Variants in LRIG1 observed in about 807,000 individuals in gnomAD.
The protein encoded by LRIG1 is leucine-rich repeats and immunoglobulin-like domains protein 1.
A neutral mutation model predicts 99.2 loss-of-function variants in LRIG1; 48 were observed. The ratio of observed to expected loss-of-function variants is 0.48; its 90% CI spans 0.38 to 0.62. The LOEUF (loss-of-function observed/expected upper bound fraction) is 0.62, where lower values mean the gene tolerates loss of function less well. Ranked by LOEUF, LRIG1 falls within the 20% of genes least tolerant of loss-of-function variation. LRIG1 has a pLI of 0.00. For missense variants in LRIG1, 1,646 were observed against 1,434.4 expected (o/e 1.15, Z -2.38); for synonymous variants, 772 against 596.1 (o/e 1.29, Z -4.30).
intron 3 of LRIG1, among the ~76,000 whole-genome samples, chr3:66,423,464 G>C (rs183571567): frequency 2.0e-5 from 3 of 152,106 alleles, no homozygotes; most frequent in Non-Finnish European, 2.9e-5. Context: ...CCAGCTACTC[G>C]GGAGGCTGAG....
At chr3:66,468,478 T>C (rs928462076) in intron 1 of LRIG1, among the ~76,000 whole-genome samples, 3 of 152,218 alleles carry the variant, frequency 2.0e-5, no homozygotes, top group African/African-American at 7.2e-5. Flanking sequence ...GCTAGCCTAT[T>C]TCCCATTACT....
At chr3:66,384,677 G>A (rs1483724735) in intron 13 of LRIG1, among the ~76,000 whole-genome samples, 3 of 152,024 alleles carry the variant, frequency 2.0e-5, no homozygotes, top group Non-Finnish European at 2.9e-5. Flanking sequence ...CCTTGGGAGA[G>A]CAATGGGATG....
At chr3:66,448,548 CT>C (rs3215321) in intron 3 of LRIG1, among the ~76,000 whole-genome samples, 37,056 of 152,072 alleles carry the variant, frequency 0.24, 5,507 homozygotes, top group East Asian at 0.66. Flanking sequence ...TTCGAGGGTA[CT>C]TCTACCATCT....
At chr3:66,401,685 T>A (rs1166592954) in intron 9 of LRIG1, 3 of 1,526,582 alleles carry the variant, frequency 2.0e-6, no homozygotes, top group African/African-American at 1.4e-5. Context: ...AAAAGGCTGC[T>A]GCCAGGAGAA....
At chr3:66,418,131 C>T (rs1456671769) in intron 3 of LRIG1, among the ~76,000 whole-genome samples, 1 of 151,888 alleles carries the variant, frequency 6.6e-6, no homozygotes, top group East Asian at 1.9e-4. Flanking sequence ...CTCGCTCTGT[C>T]GCCAGGCTGG....
chr3:66,474,571 C>T (rs1320872836), intron 1 of LRIG1, among the ~76,000 whole-genome samples: 1 of 152,154 alleles, frequency 6.6e-6, no homozygotes, highest in Non-Finnish European at 1.5e-5. Context: ...GTCTTGAACT[C>T]CTGACCTCAG....
intron 1 of LRIG1, among the ~76,000 whole-genome samples, chr3:66,479,606 A>G (rs1700801939): frequency 6.6e-6 from 1 of 152,242 alleles, no homozygotes; most frequent in Admixed American, 6.5e-5. Context: ...AAAAAGACAA[A>G]GGACTCAGTT....
At chr3:66,458,006 AG>A (rs1175701819) in intron 2 of LRIG1, among the ~76,000 whole-genome samples, 2 of 152,256 alleles carry the variant, frequency 1.3e-5, no homozygotes, top group African/African-American at 4.8e-5. Flanking sequence ...GCAGCCGCCA[AG>A]GTTAGCACAG....
intron 1 of LRIG1, among the ~76,000 whole-genome samples, chr3:66,485,875 A>G (rs945466039): frequency 3.3e-5 from 5 of 152,256 alleles, no homozygotes; most frequent in Admixed American, 1.3e-4. Flanking sequence ...CCAGCTGTAC[A>G]GCCAGAACTA....
At chr3:66,439,789 C>A (rs1316603426) in intron 3 of LRIG1, among the ~76,000 whole-genome samples, 1 of 152,146 alleles carries the variant, frequency 6.6e-6, no homozygotes, top group Non-Finnish European at 1.5e-5. Flanking sequence ...CAGTTGAATT[C>A]TGTGATCTCC....
At chr3:66,428,823 T>C (rs1703064168) in intron 3 of LRIG1, among the ~76,000 whole-genome samples, 1 of 152,280 alleles carries the variant, frequency 6.6e-6, no homozygotes, top group African/African-American at 2.4e-5. Flanking sequence ...GGTTATTTGC[T>C]GGACAGGAAA....
chr3:66,398,066 A>C, intron 11 of LRIG1, 46 bp downstream of exon 11: 1 of 1,434,562 alleles, frequency 7.0e-7, no homozygotes, highest in Non-Finnish European at 9.8e-7. Flanking sequence ...CTTACTCTGA[A>C]AGTCTCCACT....
At chr3:66,459,230 T>G (rs2106829902) in intron 2 of LRIG1, among the ~76,000 whole-genome samples, 1 of 152,202 alleles carries the variant, frequency 6.6e-6, no homozygotes, top group South Asian at 2.1e-4. Context: ...CTCTAACAAG[T>G]GCTGAGTACA....
chr3:66,406,217 G>C, intron 8 of LRIG1: 2 of 985,504 alleles, frequency 2.0e-6, no homozygotes, highest in African/African-American at 1.7e-5. Context: ...AAATAGTGGA[G>C]ATTCTGCTGC....
At chr3:66,446,168 C>T (rs9849546) in intron 3 of LRIG1, among the ~76,000 whole-genome samples, 49,994 of 151,940 alleles carry the variant, frequency 0.33, 9,554 homozygotes, top group African/African-American at 0.53. Flanking sequence ...TTCCTATTGA[C>T]TTTACTTCAC....
intron 3 of LRIG1, among the ~76,000 whole-genome samples, chr3:66,418,757 G>A (rs930237254): frequency 1.4e-4 from 22 of 152,136 alleles, no homozygotes; most frequent in African/African-American, 5.1e-4. Context: ...GTTCCAACAG[G>A]CATAAACAAG....
intron 3 of LRIG1, among the ~76,000 whole-genome samples, chr3:66,440,366 C>CT: frequency 6.6e-6 from 1 of 152,134 alleles, no homozygotes; most frequent in African/African-American, 2.4e-5. Context: ...TTGCTGCTTG[C>CT]TGCACCTACC....
At chr3:66,395,541 A>T (rs1441618819) in intron 11 of LRIG1, among the ~76,000 whole-genome samples, 1 of 152,196 alleles carries the variant, frequency 6.6e-6, no homozygotes, top group African/African-American at 2.4e-5. Context: ...CAAAAACAGA[A>T]ATAACTTATC....
At chr3:66,401,744 C>A (rs1451369233) in intron 9 of LRIG1, 2 of 1,190,270 alleles carry the variant, frequency 1.7e-6, no homozygotes, top group African/African-American at 1.5e-5. Flanking sequence ...TGTACCACAG[C>A]CGGGCTCCCT....
Sources: allele counts gnomAD v4.1 joint callset (sites outside exome capture counted in the v4.1 genomes callset), GRCh38; gene constraint gnomAD v4.1.1; transcripts MANE v1.5; gene names NCBI Gene and HGNC (gene_info 2026-07-23, HGNC 2026-07-21).